RPS6KC1: variants seen among roughly 807,000 people sequenced by gnomAD.
RPS6KC1 encodes the protein inactive ribosomal protein S6 kinase delta-1.
In RPS6KC1, 54 loss-of-function variants were observed where a neutral mutation model predicts 103.8. The ratio of observed to expected loss-of-function variants is 0.52; its 90% CI spans 0.42 to 0.65. RPS6KC1 has a LOEUF of 0.65. Among genes scored for constraint, RPS6KC1 ranks in the 30% least tolerant of loss-of-function variants. The pLI is 0.00. For missense variants in RPS6KC1, 1,151 were observed against 1,253.8 expected (o/e 0.92, Z 1.24); for synonymous variants, 439 against 438.7 (o/e 1.00, Z -0.01).
chr1:213,353,190 T>C, the RPS6KC1 span, among the ~76,000 whole-genome samples: 1 of 152,252 alleles, frequency 6.6e-6, no homozygotes, highest in African/African-American at 2.4e-5. Context: ...TCTTGAGCAA[T>C]GCTTGGCCCA....
At chr1:213,063,404 T>G (rs1364607010) in intron 1 of RPS6KC1, among the ~76,000 whole-genome samples, 2 of 152,370 alleles carry the variant, frequency 1.3e-5, no homozygotes, top group Admixed American at 1.3e-4. Context: ...TTGAGTCTAT[T>G]TTCTAGGTCT....
the RPS6KC1 span, among the ~76,000 whole-genome samples, chr1:213,602,182 C>CTTTCTTTCTTTCTTT: frequency 1.0e-5 from 1 of 97,732 alleles, no homozygotes; most frequent in African/African-American, 4.5e-5. Context: ...TTCTTTCTTT[C>CTTTCTTTCTTTCTTT]TTTCTTTTTC....
At chr1:213,543,124 C>T in the RPS6KC1 span, among the ~76,000 whole-genome samples, 5 of 152,164 alleles carry the variant, frequency 3.3e-5, no homozygotes, top group South Asian at 8.3e-4. Flanking sequence ...GGTATAGCCA[C>T]GGGAGCTGGA....
chr1:213,317,211 C>T, the RPS6KC1 span, among the ~76,000 whole-genome samples: 3 of 152,160 alleles, frequency 2.0e-5, no homozygotes, highest in East Asian at 5.8e-4. Context: ...AGAAGGCGTT[C>T]TCTGATTCAT....
At chr1:213,855,036 G>A in the RPS6KC1 span, among the ~76,000 whole-genome samples, 3 of 152,216 alleles carry the variant, frequency 2.0e-5, no homozygotes, top group Non-Finnish European at 4.4e-5. Flanking sequence ...ACATGGTGGG[G>A]AAACAGGGAG....
chr1:213,771,036 C>G, the RPS6KC1 span, among the ~76,000 whole-genome samples: 529 of 152,300 alleles, frequency 3.5e-3, 4 homozygotes, highest in African/African-American at 0.011. Flanking sequence ...ATGTCAGCCT[C>G]TCTTTTGTTC....
At chr1:213,754,515 G>A in the RPS6KC1 span, among the ~76,000 whole-genome samples, 1 of 152,194 alleles carries the variant, frequency 6.6e-6, no homozygotes, top group Non-Finnish European at 1.5e-5. Flanking sequence ...TTTTGATAGT[G>A]AGTGAGTTCT....
At chr1:213,787,493 A>G in the RPS6KC1 span, among the ~76,000 whole-genome samples, 28 of 152,320 alleles carry the variant, frequency 1.8e-4, no homozygotes, top group African/African-American at 6.5e-4. Flanking sequence ...TCTTTCTTAA[A>G]TTTAAGGAAT....
At chr1:213,462,129 C>T in the RPS6KC1 span, among the ~76,000 whole-genome samples, 3 of 152,228 alleles carry the variant, frequency 2.0e-5, no homozygotes, top group East Asian at 5.8e-4. Context: ...TCTCAAAAGA[C>T]ATTTATGCTG....
intron 6 of RPS6KC1, among the ~76,000 whole-genome samples, chr1:213,138,685 A>G (rs911058478): frequency 1.3e-5 from 2 of 152,130 alleles, no homozygotes; most frequent in Non-Finnish European, 2.9e-5. Context: ...AAAGGCCATG[A>G]TCTCATTTTT....
the RPS6KC1 span, among the ~76,000 whole-genome samples, chr1:213,388,189 C>T: frequency 1.3e-5 from 2 of 152,238 alleles, no homozygotes; most frequent in Non-Finnish European, 2.9e-5. Flanking sequence ...TGCTGACAGA[C>T]CTCTCCCTCT....
chr1:213,493,102 G>A, the RPS6KC1 span, among the ~76,000 whole-genome samples: 1 of 152,164 alleles, frequency 6.6e-6, no homozygotes, highest in African/African-American at 2.4e-5. Context: ...TAATATATGA[G>A]AGCCTGGTTC....
chr1:213,345,014 A>G, the RPS6KC1 span, among the ~76,000 whole-genome samples: 3 of 152,188 alleles, frequency 2.0e-5, no homozygotes, highest in Non-Finnish European at 4.4e-5. Flanking sequence ...ACCTTTTAGT[A>G]TATTTTTCTT....
At chr1:213,647,266 T>C in the RPS6KC1 span, among the ~76,000 whole-genome samples, 4 of 152,270 alleles carry the variant, frequency 2.6e-5, no homozygotes, top group Middle Eastern at 3.4e-3. Flanking sequence ...TACTTACTTA[T>C]GGGGTCCTTG....
chr1:213,685,607 C>A, the RPS6KC1 span, among the ~76,000 whole-genome samples: 5 of 144,890 alleles, frequency 3.5e-5, no homozygotes, highest in African/African-American at 5.2e-5. Context: ...TGTAGCCTGG[C>A]TGAAAAAGTG....
At chr1:213,616,744 A>C in the RPS6KC1 span, among the ~76,000 whole-genome samples, 76 of 152,316 alleles carry the variant, frequency 5.0e-4, 1 homozygote, top group African/African-American at 1.8e-3. Context: ...GTGGGCACCC[A>C]GGGTGGGCAG....
chr1:213,330,973 A>T, the RPS6KC1 span, among the ~76,000 whole-genome samples: 2 of 152,158 alleles, frequency 1.3e-5, no homozygotes, highest in Non-Finnish European at 2.9e-5. Flanking sequence ...GCAGAAAGAG[A>T]AGGTGGCATT....
the RPS6KC1 span, among the ~76,000 whole-genome samples, chr1:213,497,052 C>T: frequency 2.0e-5 from 3 of 152,136 alleles, no homozygotes; most frequent in African/African-American, 7.2e-5. Flanking sequence ...GCATCATGAA[C>T]ATTGTATTGA....
intron 3 of RPS6KC1, among the ~76,000 whole-genome samples, chr1:213,082,233 A>G (rs1308264855): frequency 6.6e-6 from 1 of 151,982 alleles, no homozygotes; most frequent in African/African-American, 2.4e-5. Context: ...ATCCTGGCTA[A>G]CACATTGAAA....
Sources: gnomAD v4.1 joint callset for allele counts (sites outside exome capture counted in the v4.1 genomes callset) on GRCh38, gnomAD v4.1.1 for gene constraint, MANE v1.5 for transcripts, NCBI Gene and HGNC (gene_info 2026-07-23, HGNC 2026-07-21) for gene names.